The following GGA3 variants were observed in gnomAD, a reference collection of about 807,000 sequenced individuals.
The protein encoded by GGA3 is golgi associated, gamma adaptin ear containing, ARF binding protein 3.
In GGA3, 57 loss-of-function variants were observed where a neutral mutation model predicts 77.5. That is an observed-to-expected ratio of 0.74 (90% CI 0.59 to 0.92). The LOEUF (loss-of-function observed/expected upper bound fraction) is 0.92, where lower values mean the gene tolerates loss of function less well. Among genes scored for constraint, GGA3 ranks in the 40% least tolerant of loss-of-function variants. The probability of loss-of-function intolerance (pLI) is 0.00; values close to 1 mark genes in which losing one functional copy is unlikely to be tolerated. For missense variants in GGA3, 970 were observed against 914.9 expected, an observed-to-expected ratio of 1.06 and a Z score of -0.78; for synonymous variants, 416 against 383.7, an observed-to-expected ratio of 1.08 and a Z score of -0.98.
Position 75,242,324 on chromosome 17 carries a change from C to T in GGA3, c.747+12G>A, listed in dbSNP as rs200991166. ...AGCCCCGGGAGGCAGCCTTTGCCGT[C>T]GGCGGTCCCACCTTCATCAGCTCTC... is the stretch of plus-strand genomic sequence containing the variant. On this transcript the variant is annotated intron_variant, in intron 8 of 16. Transcript: ENST00000537686. 1,341 of 1,614,102 alleles carry T rather than the reference C, an allele frequency of 8.3e-4. 7 individuals are homozygous for T. In the African/African-American group the frequency reaches 0.014, roughly 17 times the overall value.
At chr17:75,262,021 A>C, upstream of GGA3, 1 of 1,598,580 alleles carries the variant, frequency 6.3e-7, no homozygotes, top group African/African-American at 1.3e-5. Context: ...GGGCGCTGCG[A>C]GGAAGGAAGG....
At chr17:75,260,174 T>C (rs993880922) in intron 1 of GGA3, among the ~76,000 whole-genome samples, 4 of 152,122 alleles carry the variant, frequency 2.6e-5, no homozygotes, top group Non-Finnish European at 4.4e-5. Context: ...AAAAACAAAA[T>C]GTAACTCTAA....
intron 1 of GGA3, among the ~76,000 whole-genome samples, chr17:75,261,219 A>C (rs2077358445): frequency 6.6e-6 from 1 of 152,214 alleles, no homozygotes; most frequent in Non-Finnish European, 1.5e-5. Context: ...CGGCGACCCC[A>C]CCACAATCTC....
intron 3 of GGA3, 112 bp downstream of exon 3, chr17:75,246,397 G>A (rs1404551597): frequency 2.6e-5 from 19 of 718,930 alleles, no homozygotes; most frequent in Non-Finnish European, 4.5e-5. Flanking sequence ...TCTGTATCAA[G>A]GACTTTCTGT....
chr17:75,237,922 C>CCCCCCAG lies in GGA3; in HGVS notation c.*356_*357insCTGGGGG. 1 of 503,884 alleles carries CCCCCCAG rather than the reference C, an allele frequency of 2.0e-6. No individual in the cohort carries two copies. The highest frequency in any genetic ancestry group is 2.7e-6 in the Non-Finnish European group (1 of 369,418). The allele number at this position is 503,884 out of a possible 1,614,324, so 31.2% of individuals were successfully genotyped here. A position where few individuals can be genotyped will look rare whatever the true frequency, so the allele number is the denominator to read the frequency against. ...GACAGTCTCTCTTTAGAGACTCCCACCCCCCACCCCCCACCCCAGTGGCTT... is the reference window on the plus strand; with the variant it reads ...GACAGTCTCTCTTTAGAGACTCCCACCCCCCAGCCCCCACCCCCCACCCCAGTGGCTT... On this transcript the variant is annotated 3_prime_UTR_variant, in exon 17 of 17. Coordinates refer to ENST00000537686, the MANE Select transcript of GGA3 (RefSeq NM_138619.4).
Position 75,240,355 on chromosome 17 carries a change from C to A in GGA3, c.1250G>T (p.Trp417Leu). The A allele has an allele frequency of 6.3e-7, 1 of 1,596,090 alleles. No individual in the cohort carries two copies. The highest frequency in any genetic ancestry group is 1.1e-5 in the South Asian group (1 of 87,644). ...PPKESAGNSQ[W>L]HLLQREQSDL... ...CTGTGCCCCTACCTGGAGCAGGTGC[C>A]ACTGGCTGTTCCCAGCTGACTCTTT... is the stretch of plus-strand genomic sequence containing the variant. Residue 417 changes from tryptophan (W) to leucine (L), a missense_variant, in exon 12 of 17, where the codon TGG becomes TTG. Trp to Leu is a moderately conservative substitution (Grantham distance 61). Transcript: ENST00000537686.
chr17:75,246,847 G>A lies in GGA3; in HGVS notation c.41-51C>T, dbSNP rs372345979. Reference sequence around the variant, plus strand: ...AAGTGTTAGGAAGAGCAATGAGGATGCAATGGAAGGTTTTCTTCGCAAGTT... The same window carrying A: ...AAGTGTTAGGAAGAGCAATGAGGATACAATGGAAGGTTTTCTTCGCAAGTT... On this transcript the variant is annotated intron_variant, in intron 1 of 16. Transcript: ENST00000537686. The A allele has an allele frequency of 5.5e-5, 80 of 1,446,216 alleles. 1 individual carries two copies. The African/African-American group carries it at 8.9e-4, about 16-fold the overall frequency. 89.6% of individuals were successfully genotyped at this position (1,446,216 alleles called of 1,614,324 possible).
At position 75,237,107 on chromosome 17, in the gene GGA3, C is replaced by T; in HGVS notation, c.*1172G>A. 1 of 289,484 alleles carries T rather than the reference C, an allele frequency of 3.5e-6. No individual in the cohort carries two copies. The highest frequency in any genetic ancestry group is 6.6e-6 in the Non-Finnish European group (1 of 152,646). The allele number at this position is 289,484 out of a possible 1,614,324, so 17.9% of individuals were successfully genotyped here. A position where few individuals can be genotyped will look rare whatever the true frequency, so the allele number is the denominator to read the frequency against. On this transcript the variant is annotated 3_prime_UTR_variant, in exon 17 of 17. Transcript: ENST00000537686. Reference sequence around the variant, plus strand: ...TTTTTTGTGACGGAGGCTTGGAGTACATGTCCCAGGATCACATCCAGCAGC... The same window carrying T: ...TTTTTTGTGACGGAGGCTTGGAGTATATGTCCCAGGATCACATCCAGCAGC...
Position 75,238,213 on chromosome 17 carries a change from C to G in GGA3, c.*66G>C. 6.3e-7 allele frequency: 1 copy of G among 1,582,762 alleles called. No individual in the cohort carries two copies. The highest frequency in any genetic ancestry group is 8.6e-7 in the Non-Finnish European group (1 of 1,162,124). On this transcript the variant is annotated 3_prime_UTR_variant, in exon 17 of 17. Coordinates refer to ENST00000537686, the MANE Select transcript of GGA3 (RefSeq NM_138619.4). Reference sequence around the variant, plus strand: ...GTCAGGGCATGGAGAGTGACGGGACCAGAGCCCTCCTCGTCTCAGGGCAGC... The same window carrying G: ...GTCAGGGCATGGAGAGTGACGGGACGAGAGCCCTCCTCGTCTCAGGGCAGC...
chr17:75,241,333 G>T, intron 10 of GGA3, 67 bp downstream of exon 10: 2 of 1,035,634 alleles, frequency 1.9e-6, no homozygotes, highest in Non-Finnish European at 3.0e-6. Context: ...GCCTACACCC[G>T]CAGCTTCATG....
At chr17:75,245,845 C>T (rs1025315235) in intron 3 of GGA3, among the ~76,000 whole-genome samples, 1 of 152,206 alleles carries the variant, frequency 6.6e-6, no homozygotes, top group East Asian at 1.9e-4. Context: ...TTAAGGAATT[C>T]GTTCTACAGC....
upstream of GGA3, chr17:75,262,013 G>GC: frequency 6.3e-7 from 1 of 1,599,992 alleles, no homozygotes; most frequent in Non-Finnish European, 8.5e-7. Flanking sequence ...CGGCGGGGGG[G>GC]CGCTGCGAGG....
chr17:75,239,671 T>G lies in GGA3; in HGVS notation c.1584-100A>C, dbSNP rs545738558. 7 of 1,419,722 alleles carry G rather than the reference T, an allele frequency of 4.9e-6. No homozygotes were observed. In the East Asian group the frequency reaches 1.6e-4, roughly 33 times the overall value. 87.9% of individuals were successfully genotyped at this position (1,419,722 alleles called of 1,614,324 possible). On this transcript the variant is annotated intron_variant, in intron 13 of 16. Coordinates refer to ENST00000537686, the MANE Select transcript of GGA3 (RefSeq NM_138619.4). ...CCATGCTCTTACCCAGGCCCACCCC[T>G]TGCCTTCCAGCCTGACTGATGGGAC...
chr17:75,237,508 T>C lies in GGA3; in HGVS notation c.*771A>G, dbSNP rs929858845. ...TGTCCCCACGGCTGGAGGCACGCTT[T>C]TCCCAGAAAGCTGAGTACCTGCTTC... is the stretch of plus-strand genomic sequence containing the variant. On this transcript the variant is annotated 3_prime_UTR_variant, in exon 17 of 17. Transcript: ENST00000537686. 26 of 1,535,952 alleles carry C rather than the reference T, an allele frequency of 1.7e-5. No individual in the cohort carries two copies. The African/African-American group carries it at 3.6e-4, about 21-fold the overall frequency.
At chr17:75,240,733 C>T (rs1423341891) in intron 11 of GGA3, 79 bp downstream of exon 11, 1 of 1,475,150 alleles carries the variant, frequency 6.8e-7, no homozygotes, top group Non-Finnish European at 9.0e-7. Context: ...TGGGGCCCCG[C>T]TCAGGGCTCC....
At chr17:75,238,829 C>T in intron 15 of GGA3, 67 bp from the exon 16 acceptor site, 2 of 1,551,364 alleles carry the variant, frequency 1.3e-6, no homozygotes, top group South Asian at 2.3e-5. Flanking sequence ...GCAGTGCACA[C>T]ACACACTGCC....
chr17:75,249,197 C>A (rs1386723763), intron 1 of GGA3, among the ~76,000 whole-genome samples: 1 of 150,842 alleles, frequency 6.6e-6, no homozygotes, highest in Non-Finnish European at 1.5e-5. Context: ...AGGCATGCGC[C>A]ACTATGCCTG....
chr17:75,237,512 C>T lies in GGA3; in HGVS notation c.*767G>A. 6.5e-7 allele frequency: 1 copy of T among 1,536,020 alleles called. No individual in the cohort carries two copies. Among genetic ancestry groups the T allele is most frequent in the Non-Finnish European group, 8.7e-7 (1 of 1,146,808 alleles). ...CCCACGGCTGGAGGCACGCTTTTCC[C>T]AGAAAGCTGAGTACCTGCTTCTGGA... is the stretch of plus-strand genomic sequence containing the variant. On this transcript the variant is annotated 3_prime_UTR_variant, in exon 17 of 17. Transcript: ENST00000537686.
rs2076361651 is a variant in GGA3, at chr17:75,237,536, GAGA to G, written c.*740_*742del. 3 of 1,535,902 alleles carry G rather than the reference GAGA, an allele frequency of 2.0e-6. No homozygotes were observed. Among genetic ancestry groups the G allele is most frequent in the Admixed American group, 2.0e-5 (1 of 50,970 alleles). ...CCAGAAAGCTGAGTACCTGCTTCTG[GAGA>G]AGGGGAAATACTGGCTCTCTTCATT... On this transcript the variant is annotated 3_prime_UTR_variant, in exon 17 of 17. Transcript: ENST00000537686.
Sources: allele counts gnomAD v4.1 joint callset (sites outside exome capture counted in the v4.1 genomes callset), GRCh38; gene constraint gnomAD v4.1.1; transcripts MANE v1.5; gene names NCBI Gene and HGNC (gene_info 2026-07-23, HGNC 2026-07-21).